Variants in RBM17 observed in about 807,000 individuals in gnomAD.
RBM17 encodes the protein RNA binding motif protein 17.
RBM17 carries 7 observed loss-of-function variants against 53.2 expected under a neutral mutation model. The observed-to-expected ratio is 0.13, with a 90% CI of 0.07 to 0.25. RBM17 has a LOEUF of 0.25. RBM17 is among the 10% of genes least tolerant of loss of function. RBM17 has a pLI of 1.00. For synonymous variants in RBM17, 167 were observed against 178.1 expected (o/e 0.94, Z 0.50); for missense variants, 257 against 496.7 (o/e 0.52, Z 4.59).
At chr10:6,114,682 C>T (rs769331278) in intron 10 of RBM17, 5 of 156,850 alleles carry the variant, frequency 3.2e-5, no homozygotes, top group African/African-American at 4.8e-5. Context: ...ATATGGGCTG[C>T]GCTTTGAAAC....
chr10:6,090,495 C>T (rs1249844334), intron 1 of RBM17, among the ~76,000 whole-genome samples: 1 of 152,182 alleles, frequency 6.6e-6, no homozygotes, highest in Non-Finnish European at 1.5e-5. Context: ...GGTTGTGGAG[C>T]TCTGCGGAAC....
chr10:6,113,580 G>C lies in RBM17; in HGVS notation c.929G>C (p.Arg310Thr), dbSNP rs770072476. ...TGTCCTACTAAAGTGGTCTTACTAA[G>C]GGTAAGAAGCTGAGGAAAGCAAGCT... ...LKCPTKVVLL[R>T]NMVGAGEVDE... is the part of the protein sequence containing the mutation. Residue 310 changes from arginine (R) to threonine (T), a missense_variant and splice_region_variant, in exon 9 of 12, where the codon AGG (arginine) becomes ACG (threonine). Physicochemically the swap from Arg to Thr is moderately conservative, Grantham distance 71 (BLOSUM62 -1). Coordinates refer to ENST00000379888, the MANE Select transcript of RBM17 (RefSeq NM_032905.5). 1 of 1,603,696 alleles carries C rather than the reference G, an allele frequency of 6.2e-7. No individual in the cohort carries two copies. The highest frequency in any genetic ancestry group is 8.5e-7 in the Non-Finnish European group (1 of 1,170,730).
intron 5 of RBM17, among the ~76,000 whole-genome samples, chr10:6,107,294 C>T (rs1008199264): frequency 2.6e-5 from 4 of 151,862 alleles, no homozygotes; most frequent in South Asian, 2.1e-4. Flanking sequence ...TCTCTTGCCT[C>T]GGCCTCCAGA....
chr10:6,114,303 A>G (rs1840882650), intron 10 of RBM17, 156 bp downstream of exon 10: 1 of 518,618 alleles, frequency 1.9e-6, no homozygotes, highest in East Asian at 3.4e-5. Context: ...CAATTATTAC[A>G]GTTTTAAACA....
At chr10:6,104,019 A>G (rs887925318) in intron 3 of RBM17, among the ~76,000 whole-genome samples, 2 of 152,250 alleles carry the variant, frequency 1.3e-5, no homozygotes, top group African/African-American at 4.8e-5. Flanking sequence ...GGTGTCTTTC[A>G]AAACCAGAGA....
At chr10:6,105,175 G>A in intron 4 of RBM17, 78 bp downstream of exon 4, 2 of 1,353,626 alleles carry the variant, frequency 1.5e-6, no homozygotes, top group South Asian at 1.3e-5. Flanking sequence ...CGTCGCTGCT[G>A]TCTGTAAGGC....
At chr10:6,100,032 G>C (rs1840648308) in intron 2 of RBM17, among the ~76,000 whole-genome samples, 1 of 152,100 alleles carries the variant, frequency 6.6e-6, no homozygotes, top group Non-Finnish European at 1.5e-5. Context: ...CCTGGTGACA[G>C]AGCAAGACTC....
rs188832406 is a variant in RBM17, at chr10:6,112,515, G to T, written c.856+154G>T. The T allele has an allele frequency of 1.2e-6, 1 of 850,906 alleles. No individual in the cohort carries two copies. The highest frequency in any genetic ancestry group is 2.7e-5 in the East Asian group (1 of 37,336). 52.7% of individuals were successfully genotyped at this position (850,906 alleles called of 1,614,324 possible). On this transcript the variant is annotated intron_variant, in intron 8 of 11. Transcript: ENST00000379888. This position sits in a 1 kb window ranked among gnomAD's most constrained non-coding sequence, Gnocchi z 4.4. ...CCCTGCCATCACTAGAACACAGGCC[G>T]TCCTGTTCATATGATGCACTGCCAC...
intron 7 of RBM17, among the ~76,000 whole-genome samples, chr10:6,110,386 A>C (rs1184125969): frequency 6.6e-6 from 1 of 152,252 alleles, no homozygotes; most frequent in African/African-American, 2.4e-5. Flanking sequence ...GAACCTGATT[A>C]ATGTTTACAT....
Position 6,113,686 on chromosome 10 carries a change from C to T in RBM17, c.930+105C>T. 2.6e-6 allele frequency: 2 copies of T among 782,228 alleles called. 1 individual carries two copies. Among genetic ancestry groups the T allele is most frequent in the Middle Eastern group, 4.7e-4 (2 of 4,236 alleles). 48.5% of individuals were successfully genotyped at this position (782,228 alleles called of 1,614,324 possible). On this transcript the variant is annotated intron_variant, in intron 9 of 11. Coordinates refer to ENST00000379888, the MANE Select transcript of RBM17 (RefSeq NM_032905.5). Reference sequence around the variant, plus strand: ...GTTAAAACTGAAAATGATACTTTTGCAAATAATACTTTGGGCAGATCCCAC... The same window carrying T: ...GTTAAAACTGAAAATGATACTTTTGTAAATAATACTTTGGGCAGATCCCAC...
chr10:6,115,413 A>T (rs367697665), intron 11 of RBM17, 40 bp from the exon 12 acceptor site: 124 of 1,539,460 alleles, frequency 8.1e-5, no homozygotes, highest in Non-Finnish European at 1.0e-4. Context: ...CCTTTATCTT[A>T]TAGGATACCT....
chr10:6,102,714 A>G (rs1378691627), intron 3 of RBM17, among the ~76,000 whole-genome samples: 1 of 152,212 alleles, frequency 6.6e-6, no homozygotes, highest in Admixed American at 6.5e-5. Flanking sequence ...CGAATGCATC[A>G]TAATTTACAC....
chr10:6,109,887 A>C, intron 6 of RBM17, 99 bp from the exon 7 acceptor site: 1 of 1,045,728 alleles, frequency 9.6e-7, no homozygotes. Context: ...TAAACCAAAA[A>C]GTAGGTTAAA....
chr10:6,105,302 A>G (rs1044327100), intron 4 of RBM17, among the ~76,000 whole-genome samples: 4 of 152,230 alleles, frequency 2.6e-5, no homozygotes, highest in Non-Finnish European at 5.9e-5. Flanking sequence ...CTGAAGACCT[A>G]AAGTGTATAT....
At chr10:6,105,538 A>G (rs1439000806) in intron 4 of RBM17, among the ~76,000 whole-genome samples, 1 of 152,200 alleles carries the variant, frequency 6.6e-6, no homozygotes, top group East Asian at 1.9e-4. Context: ...CAAAATTTGA[A>G]ACACTTCTGG....
chr10:6,100,445 C>T (rs1333684006), intron 2 of RBM17, among the ~76,000 whole-genome samples: 1 of 152,088 alleles, frequency 6.6e-6, no homozygotes, highest in Non-Finnish European at 1.5e-5. Flanking sequence ...CTTTAACCTC[C>T]AGGTTTCAGG....
chr10:6,089,908 CG>C lies in RBM17; in HGVS notation c.-19+716del. The C allele has an allele frequency of 6.6e-6, 1 of 152,232 alleles. No homozygotes were observed. Among genetic ancestry groups the C allele is most frequent in the Non-Finnish European group, 1.5e-5 (1 of 68,096 alleles). The allele number at this position is 152,232 out of a possible 1,614,324, so 9.4% of individuals were successfully genotyped here. On this transcript the variant is annotated intron_variant, in intron 1 of 11. Coordinates refer to ENST00000379888, the MANE Select transcript of RBM17 (RefSeq NM_032905.5). The surrounding 1 kb of genome is among the most constrained non-coding windows in gnomAD (Gnocchi z 5.6). Reference sequence around the variant, plus strand: ...CCCAGGCCCGGGTTGATTTGAGAAACGCAAGTGGGGTCTGGAAGGACCTCTC... The same window carrying C: ...CCCAGGCCCGGGTTGATTTGAGAAACCAAGTGGGGTCTGGAAGGACCTCTC...
rs762761894 is a variant in RBM17, at chr10:6,102,851, G to A, written c.240+1464G>A. ...GGTCTTGCTCTGTCACCACGCTGGA[G>A]AGCAGTGGTGCAATCTTGGCTCACT... On this transcript the variant is annotated intron_variant, in intron 3 of 11. Transcript: ENST00000379888. Among the ~76,000 whole-genome samples the A allele has an allele frequency of 3.9e-4, 59 of 152,114 alleles. 1 individual carries two copies. Among genetic ancestry groups the A allele is most frequent in the Non-Finnish European group, 7.4e-4 (50 of 68,016 alleles).
chr10:6,105,861 T>C (rs1216848383), intron 4 of RBM17, among the ~76,000 whole-genome samples: 1 of 152,256 alleles, frequency 6.6e-6, no homozygotes, highest in African/African-American at 2.4e-5. Context: ...GTTGATAGGC[T>C]TTAACATTGG....
Sources: allele counts gnomAD v4.1 joint callset (sites outside exome capture counted in the v4.1 genomes callset), GRCh38; gene constraint gnomAD v4.1.1; non-coding constraint Gnocchi (gnomAD v3.1); transcripts MANE v1.5; gene names NCBI Gene and HGNC (gene_info 2026-07-23, HGNC 2026-07-21).